The following PAK1 variants were observed in gnomAD, a reference collection of about 807,000 sequenced individuals.
The protein encoded by PAK1 is p21 (RAC1) activated kinase 1.
A neutral mutation model predicts 67.4 loss-of-function variants in PAK1; 29 were observed. The ratio of observed to expected loss-of-function variants is 0.43; its 90% CI spans 0.32 to 0.59. The LOEUF (loss-of-function observed/expected upper bound fraction) is 0.59, where lower values mean the gene tolerates loss of function less well. Among genes scored for constraint, PAK1 ranks in the 20% least tolerant of loss-of-function variants. The probability of loss-of-function intolerance (pLI) is 0.07; values close to 1 mark genes in which losing one functional copy is unlikely to be tolerated. For synonymous variants in PAK1, 223 were observed against 237.4 expected, an observed-to-expected ratio of 0.94 and a Z score of 0.56; for missense variants, 337 against 670.7, an observed-to-expected ratio of 0.50 and a Z score of 5.50.
chr11:77,460,982 A>T (rs545543300), intron 1 of PAK1, among the ~76,000 whole-genome samples: 2 of 152,332 alleles, frequency 1.3e-5, no homozygotes, highest in Admixed American at 6.5e-5. Flanking sequence ...ACAGGCAGAA[A>T]ACTAGGCTTG....
At chr11:77,338,022 C>G (rs1943004116) in intron 11 of PAK1, among the ~76,000 whole-genome samples, 1 of 152,052 alleles carries the variant, frequency 6.6e-6, no homozygotes, top group Non-Finnish European at 1.5e-5. Context: ...ATGGTTGAAC[C>G]CGGCAAAGGG....
the PAK1 span, among the ~76,000 whole-genome samples, chr11:77,491,125 TA>T: frequency 1.3e-3 from 57 of 44,552 alleles, no homozygotes; most frequent in African/African-American, 1.5e-3. Flanking sequence ...GAATGATCAA[TA>T]AAAAAAAAAA....
chr11:77,505,172 C>G, the PAK1 span, among the ~76,000 whole-genome samples: 26 of 151,124 alleles, frequency 1.7e-4, 1 homozygote, highest in Admixed American at 1.4e-3. Flanking sequence ...GTTGTGCAAC[C>G]ATTGCTACTA....
chr11:77,498,679 C>G, the PAK1 span, among the ~76,000 whole-genome samples: 1 of 143,928 alleles, frequency 6.9e-6, no homozygotes, highest in Non-Finnish European at 1.5e-5. Context: ...ATTTTTAACA[C>G]CCTTGCTTGT....
chr11:77,349,266 T>G lies in PAK1; in HGVS notation c.858A>C (p.Thr286=). Residue 286 remains threonine, a synonymous_variant, in exon 9 of 15, where the codon ACA becomes ACC. Coordinates refer to ENST00000356341, the MANE Select transcript of PAK1 (RefSeq NM_002576.5). ...CCTGTCCTGTGGCCACATCCATTGC[T>G]GTGTACACGGTGCCTGAAGCACTGA... is the stretch of plus-strand genomic sequence containing the variant. ...IGQGASGTVY[T]AMDVATGQEV... The G allele has an allele frequency of 6.2e-7, 1 of 1,601,362 alleles. No individual in the cohort carries two copies. Among genetic ancestry groups the G allele is most frequent in the Non-Finnish European group, 8.5e-7 (1 of 1,173,332 alleles).
At chr11:77,381,168 TGTGTGTGTAG>T (rs999034189) in intron 2 of PAK1, among the ~76,000 whole-genome samples, 25 of 141,300 alleles carry the variant, frequency 1.8e-4, no homozygotes, top group African/African-American at 6.0e-4. Context: ...TGTGTGTGTG[TGTGTGTGTAG>T]AGAGAGAGAG....
chr11:77,458,262 G>C (rs1259025967), intron 1 of PAK1, among the ~76,000 whole-genome samples: 3 of 152,120 alleles, frequency 2.0e-5, no homozygotes, highest in Non-Finnish European at 4.4e-5. Context: ...TGCCCACAAA[G>C]TTAATTCTTA....
intron 4 of PAK1, among the ~76,000 whole-genome samples, chr11:77,378,191 G>C: frequency 6.6e-6 from 1 of 152,154 alleles, no homozygotes; most frequent in South Asian, 2.1e-4. Flanking sequence ...TAGCATATTA[G>C]AAAGGCCTTC....
chr11:77,448,813 G>A (rs1956729294), intron 1 of PAK1, among the ~76,000 whole-genome samples: 2 of 151,984 alleles, frequency 1.3e-5, no homozygotes, highest in African/African-American at 4.8e-5. Flanking sequence ...GGTATAATAG[G>A]CAAAAAGAGG....
chr11:77,432,532 C>A (rs1437521613), intron 1 of PAK1, among the ~76,000 whole-genome samples: 1 of 152,030 alleles, frequency 6.6e-6, no homozygotes, highest in Non-Finnish European at 1.5e-5. Context: ...GTGGCATGCA[C>A]CTGTAGTCTC....
chr11:77,490,484 C>A, the PAK1 span, among the ~76,000 whole-genome samples: 1 of 149,484 alleles, frequency 6.7e-6, no homozygotes, highest in African/African-American at 2.5e-5. Flanking sequence ...GCCCGGCCAG[C>A]CGCCCCGTCC....
intron 1 of PAK1, among the ~76,000 whole-genome samples, chr11:77,435,746 G>C (rs1956101791): frequency 6.9e-6 from 1 of 144,710 alleles, no homozygotes; most frequent in East Asian, 2.1e-4. Flanking sequence ...CTGACCTCGT[G>C]ATCCGCCTGC....
chr11:77,340,803 A>G (rs1591761794), intron 10 of PAK1, 40 bp from the exon 11 acceptor site: 2 of 1,061,726 alleles, frequency 1.9e-6, no homozygotes, highest in Non-Finnish European at 1.5e-6. Flanking sequence ...GAACAATCAG[A>G]GTACACTGAG....
At chr11:77,387,173 A>T (rs933959114) in intron 2 of PAK1, among the ~76,000 whole-genome samples, 2 of 151,392 alleles carry the variant, frequency 1.3e-5, no homozygotes, top group African/African-American at 4.9e-5. Flanking sequence ...CCCAGATTCA[A>T]GCGATTCTCC....
intron 1 of PAK1, among the ~76,000 whole-genome samples, chr11:77,435,756 C>T (rs1011516897): frequency 1.3e-5 from 2 of 150,210 alleles, no homozygotes; most frequent in African/African-American, 4.9e-5. Context: ...GATCCGCCTG[C>T]CTCGGCCTCC....
At chr11:77,403,174 T>C (rs1952947022) in intron 1 of PAK1, among the ~76,000 whole-genome samples, 1 of 152,250 alleles carries the variant, frequency 6.6e-6, no homozygotes, top group Admixed American at 6.5e-5. Context: ...TCTCTTCCTC[T>C]TGTAAAAACC....
At chr11:77,419,229 A>C (rs969897213) in intron 1 of PAK1, among the ~76,000 whole-genome samples, 7 of 152,258 alleles carry the variant, frequency 4.6e-5, no homozygotes, top group Non-Finnish European at 1.0e-4. Context: ...AAGCAACTTT[A>C]GAGATGACTC....
chr11:77,394,113 C>A (rs1951529191), intron 1 of PAK1, among the ~76,000 whole-genome samples: 1 of 152,016 alleles, frequency 6.6e-6, no homozygotes, highest in African/African-American at 2.4e-5. Context: ...TGAATGTATC[C>A]AGAGTTAAAA....
the PAK1 span, among the ~76,000 whole-genome samples, chr11:77,500,809 A>C: frequency 2.6e-5 from 4 of 152,078 alleles, no homozygotes; most frequent in African/African-American, 9.7e-5. Context: ...ACACCACTGC[A>C]CTCCAGTCTA....
Sources: allele counts gnomAD v4.1 joint callset (sites outside exome capture counted in the v4.1 genomes callset), GRCh38; gene constraint gnomAD v4.1.1; transcripts MANE v1.5; gene names NCBI Gene and HGNC (gene_info 2026-07-23, HGNC 2026-07-21).